Variants in CECR2 observed in about 807,000 individuals in gnomAD.
CECR2 encodes CECR2 histone acetyl-lysine reader.
A neutral mutation model predicts 154.5 loss-of-function variants in CECR2; 30 were observed. The ratio of observed to expected loss-of-function variants is 0.19; its 90% CI spans 0.15 to 0.26. The LOEUF (loss-of-function observed/expected upper bound fraction) is 0.26. Among genes scored for constraint, CECR2 ranks in the 10% least tolerant of loss-of-function variants. The probability of loss-of-function intolerance (pLI) is 1.00; values close to 1 mark genes in which losing one functional copy is unlikely to be tolerated. For missense variants in CECR2, 1,743 were observed against 1,829.3 expected, an observed-to-expected ratio of 0.95 and a Z score of 0.86; for synonymous variants, 725 against 683.7, an observed-to-expected ratio of 1.06 and a Z score of -0.94.
chr22:17,388,976 A>G (rs771351995), intron 1 of CECR2, among the ~76,000 whole-genome samples: 3 of 151,748 alleles, frequency 2.0e-5, no homozygotes, highest in Non-Finnish European at 2.9e-5. Flanking sequence ...CCATGCCCGG[A>G]TAACTTTTGT....
intron 1 of CECR2, among the ~76,000 whole-genome samples, chr22:17,422,913 G>GCT (rs1018131493): frequency 1.3e-5 from 2 of 152,062 alleles, no homozygotes; most frequent in Non-Finnish European, 2.9e-5. Flanking sequence ...GTTCCTGCAA[G>GCT]CTGCCTACTT....
intron 1 of CECR2, among the ~76,000 whole-genome samples, chr22:17,405,816 G>C (rs1246928276): frequency 6.6e-6 from 1 of 152,078 alleles, no homozygotes; most frequent in African/African-American, 2.4e-5. Flanking sequence ...AATAAAAATA[G>C]TTTTGCATCT....
intron 8 of CECR2, among the ~76,000 whole-genome samples, chr22:17,513,184 C>G (rs57240054): frequency 0.082 from 12,470 of 152,058 alleles, 576 homozygotes; most frequent in South Asian, 0.15. Flanking sequence ...GACCCCACCT[C>G]TGAAAAAAAA....
upstream of CECR2, among the ~76,000 whole-genome samples, chr22:17,369,140 C>T (rs2063022742): frequency 1.3e-5 from 2 of 152,044 alleles, no homozygotes; most frequent in Non-Finnish European, 2.9e-5. Flanking sequence ...TAAAAGGACG[C>T]GACCACTCAG....
intron 1 of CECR2, among the ~76,000 whole-genome samples, chr22:17,408,212 A>T (rs370417744): frequency 4.6e-5 from 2 of 43,214 alleles, no homozygotes; most frequent in Admixed American, 2.0e-4. Context: ...CAGCCCCCTC[A>T]CCCCCCAGCC....
intron 1 of CECR2, among the ~76,000 whole-genome samples, chr22:17,389,894 C>T (rs983407147): frequency 1.3e-5 from 2 of 152,142 alleles, no homozygotes; most frequent in African/African-American, 4.8e-5. Context: ...TCCCAAAATG[C>T]TGGGATTACA....
chr22:17,503,349 G>T (rs949963008), intron 6 of CECR2, among the ~76,000 whole-genome samples: 4 of 152,166 alleles, frequency 2.6e-5, no homozygotes, highest in Non-Finnish European at 5.9e-5. Context: ...CTTTTCACTA[G>T]TGCCCTGTTT....
chr22:17,441,254 A>G (rs1339803399), intron 1 of CECR2, among the ~76,000 whole-genome samples: 1 of 152,128 alleles, frequency 6.6e-6, no homozygotes, highest in African/African-American at 2.4e-5. Flanking sequence ...CTGGCCTATT[A>G]ACACATTAAA....
chr22:17,537,134 A>C lies in CECR2; in HGVS notation c.1140A>C (p.Glu380Asp). The C allele has an allele frequency of 6.2e-7, 1 of 1,613,946 alleles. No homozygotes were observed. Among genetic ancestry groups the C allele is most frequent in the Middle Eastern group, 1.6e-4 (1 of 6,062 alleles). ...CGAAGAGGAGAAAGCTCAGGGAAGA[A>C]AGGGCATGGCTGCTGGCTCAAGGAA... Reference protein sequence around the residue: ...DRAKRRKLREERAWLLAQGKE... With the variant: ...DRAKRRKLREDRAWLLAQGKE... The change falls in exon 10 of 19, where the codon GAA (glutamate) becomes GAC (aspartate). Residue 380 changes from glutamate (E) to aspartate (D), a missense_variant. This residue lies in a region of CECR2 where 292 missense variants were observed against 301.2 expected (regional missense o/e 0.97). Transcript: ENST00000262608.
chr22:17,550,333 A>C (rs921200386), intron 17 of CECR2: 1 of 170,926 alleles, frequency 5.9e-6, no homozygotes, highest in Non-Finnish European at 1.3e-5. Flanking sequence ...TGATACTATA[A>C]ACTTAATAAC....
intron 1 of CECR2, among the ~76,000 whole-genome samples, chr22:17,388,235 T>A (rs1044793916): frequency 2.0e-5 from 3 of 152,240 alleles, no homozygotes; most frequent in African/African-American, 7.2e-5. Flanking sequence ...ATTACAGGCA[T>A]GAGCCACCGC....
chr22:17,378,160 T>A lies in CECR2; in HGVS notation c.126+8251T>A, dbSNP rs1337725365. Among the ~76,000 whole-genome samples, 10 of 150,674 alleles carry A rather than the reference T, an allele frequency of 6.6e-5. No individual in the cohort carries two copies. The East Asian group carries it at 1.8e-3, about 26-fold the overall frequency. On this transcript the variant is annotated intron_variant, in intron 1 of 18. Transcript: ENST00000262608. ...CACCACGCCCGGCTAATTTTTTGTG[T>A]TTTTAGTAGAGACGGGGTTTCACCG...
At chr22:17,537,711 G>GTGC (rs1400395758) in intron 10 of CECR2, among the ~76,000 whole-genome samples, 1 of 152,136 alleles carries the variant, frequency 6.6e-6, no homozygotes, top group Non-Finnish European at 1.5e-5. Flanking sequence ...AGTTGAAAAT[G>GTGC]TGCTATAGGC....
upstream of CECR2, among the ~76,000 whole-genome samples, chr22:17,368,637 T>A (rs2063017741): frequency 6.6e-6 from 1 of 152,068 alleles, no homozygotes; most frequent in Non-Finnish European, 1.5e-5. Context: ...CCGAGCACAG[T>A]CCCCGGCTTC....
At chr22:17,365,538 C>CA (rs369340247), upstream of CECR2, among the ~76,000 whole-genome samples, 619 of 150,502 alleles carry the variant, frequency 4.1e-3, 6 homozygotes, top group South Asian at 0.038. Context: ...ACTAAAAATA[C>CA]AAAAAAAATC....
At chr22:17,432,487 T>C (rs984380639) in intron 1 of CECR2, among the ~76,000 whole-genome samples, 1 of 152,322 alleles carries the variant, frequency 6.6e-6, no homozygotes, top group East Asian at 1.9e-4. Flanking sequence ...CTTGGGTCTA[T>C]AGCTAGTTGA....
intron 1 of CECR2, among the ~76,000 whole-genome samples, chr22:17,443,412 G>A (rs1367444724): frequency 6.6e-6 from 1 of 152,072 alleles, no homozygotes; most frequent in Non-Finnish European, 1.5e-5. Flanking sequence ...AAGGAAAAAA[G>A]GGCAGAATCC....
intron 1 of CECR2, among the ~76,000 whole-genome samples, chr22:17,463,964 G>A (rs1345452848): frequency 2.0e-5 from 3 of 152,116 alleles, no homozygotes; most frequent in Non-Finnish European, 4.4e-5. Flanking sequence ...GTGGGTGGGT[G>A]TGTCCTGAAA....
chr22:17,513,560 A>G (rs1222877332), intron 8 of CECR2, among the ~76,000 whole-genome samples: 1 of 152,234 alleles, frequency 6.6e-6, no homozygotes, highest in African/African-American at 2.4e-5. Context: ...TTTTTAACTC[A>G]GAGATGTGTC....
Sources: gnomAD v4.1 joint callset for allele counts (sites outside exome capture counted in the v4.1 genomes callset) on GRCh38, gnomAD v4.1.1 for gene constraint, gnomAD v4.1.1 regional missense constraint, MANE v1.5 for transcripts, NCBI Gene and HGNC (gene_info 2026-07-23, HGNC 2026-07-21) for gene names.